The following PPP1R17 variants were observed in gnomAD, a reference collection of about 807,000 sequenced individuals.
PPP1R17 encodes the protein protein phosphatase 1 regulatory subunit 17, also known as G-substrate.
PPP1R17 carries 12 observed loss-of-function variants against 15.9 expected under a neutral mutation model. The observed-to-expected ratio is 0.75, with a 90% CI of 0.48 to 1.22. The LOEUF (loss-of-function observed/expected upper bound fraction) is 1.22, where lower values mean the gene tolerates loss of function less well. PPP1R17 is among the 50% of genes most tolerant of loss of function. The pLI, the probability that PPP1R17 is intolerant of heterozygous loss-of-function variation, is 0.00. For missense variants in PPP1R17, 211 were observed against 187.3 expected (o/e 1.13, Z -0.74); for synonymous variants, 63 against 64.5 (o/e 0.98, Z 0.11).
chr7:31,702,737 G>A (rs117956949), intron 4 of PPP1R17, among the ~76,000 whole-genome samples: 314 of 152,164 alleles, frequency 2.1e-3, no homozygotes, highest in Non-Finnish European at 3.6e-3. Flanking sequence ...TTATGTTTCT[G>A]GTATTGATCT....
At chr7:31,697,264 G>A (rs891925187) in intron 4 of PPP1R17, 147 bp downstream of exon 4, 31 of 1,003,128 alleles carry the variant, frequency 3.1e-5, no homozygotes, top group Non-Finnish European at 4.0e-5. Context: ...CACACTCAGT[G>A]CTACCTTTTA....
At chr7:31,695,342 A>G (rs1392815415) in intron 2 of PPP1R17, 127 bp from the exon 3 acceptor site, 1 of 784,866 alleles carries the variant, frequency 1.3e-6, no homozygotes, top group Non-Finnish European at 1.9e-6. Context: ...ACAATAAATA[A>G]ACACTTTTCC....
At chr7:31,701,703 C>T (rs986083397) in intron 4 of PPP1R17, among the ~76,000 whole-genome samples, 1 of 152,206 alleles carries the variant, frequency 6.6e-6, no homozygotes. Flanking sequence ...GCCACAGCCA[C>T]CTAACCTTCA....
Position 31,689,269 on chromosome 7 carries a change from G to A in PPP1R17, c.-37+1963G>A, listed in dbSNP as rs187271735. On this transcript the variant is annotated intron_variant, in intron 1 of 4. Transcript: ENST00000342032. ...AAAAAGGTCACAAGTCTTTGTAGTA[G>A]ACACAGTTTATGAAAACACCCCCAA... Among the ~76,000 whole-genome samples, 109 of 152,278 alleles carry A rather than the reference G, an allele frequency of 7.2e-4. No individual in the cohort carries two copies. In the Middle Eastern group the frequency reaches 0.014, roughly 19 times the overall value.
intron 1 of PPP1R17, among the ~76,000 whole-genome samples, chr7:31,688,862 G>A (rs1254781746): frequency 3.3e-5 from 5 of 152,080 alleles, no homozygotes; most frequent in Admixed American, 6.5e-5. Flanking sequence ...AGAGTAATTC[G>A]ATCAATACTC....
chr7:31,705,000 G>GAAAT (rs1427591698), intron 4 of PPP1R17, among the ~76,000 whole-genome samples: 4 of 152,106 alleles, frequency 2.6e-5, no homozygotes, highest in African/African-American at 9.7e-5. Context: ...TGATATCCAT[G>GAAAT]AAATCAAGAT....
At chr7:31,693,098 T>A (rs564488068) in intron 2 of PPP1R17, among the ~76,000 whole-genome samples, 2 of 152,188 alleles carry the variant, frequency 1.3e-5, no homozygotes, top group Non-Finnish European at 2.9e-5. Flanking sequence ...TTTTGCCTAT[T>A]CATAGCCTTT....
intron 2 of PPP1R17, among the ~76,000 whole-genome samples, chr7:31,694,479 G>A (rs542491509): frequency 1.3e-5 from 2 of 151,450 alleles, no homozygotes; most frequent in East Asian, 3.9e-4. Context: ...TAGAAATGAA[G>A]GTGCAAGTTC....
At chr7:31,706,961 G>A (rs1410283203) in intron 4 of PPP1R17, among the ~76,000 whole-genome samples, 1 of 152,160 alleles carries the variant, frequency 6.6e-6, no homozygotes, top group Admixed American at 6.5e-5. Context: ...GAGGATGAAG[G>A]TTGCCTCTGA....
Position 31,707,404 on chromosome 7 carries a change from C to A in PPP1R17, c.*121C>A. On this transcript the variant is annotated 3_prime_UTR_variant, in exon 5 of 5. Coordinates refer to ENST00000342032, the MANE Select transcript of PPP1R17 (RefSeq NM_006658.5). ...ATCGTCTGACTTGAAGATTCAGACA[C>A]CTTCTCCCCAGGAGATGTATGCCAT... The A allele has an allele frequency of 1.3e-6, 1 of 775,302 alleles. No individual in the cohort carries two copies. The highest frequency in any genetic ancestry group is 2.1e-6 in the Non-Finnish European group (1 of 485,060). The allele number at this position is 775,302 out of a possible 1,614,324, so 48.0% of individuals were successfully genotyped here.
At chr7:31,699,866 G>A (rs1792768027) in intron 4 of PPP1R17, among the ~76,000 whole-genome samples, 1 of 151,218 alleles carries the variant, frequency 6.6e-6, no homozygotes, top group Non-Finnish European at 1.5e-5. Flanking sequence ...AATTGTTTTG[G>A]GGTGCCACAG....
chr7:31,706,042 T>C (rs1293246544), intron 4 of PPP1R17, among the ~76,000 whole-genome samples: 4 of 136,992 alleles, frequency 2.9e-5, no homozygotes, highest in African/African-American at 1.1e-4. Flanking sequence ...TCTTGCTCTG[T>C]TGCCCAGGCT....
chr7:31,691,354 G>A lies in PPP1R17; in HGVS notation c.-36-1052G>A, dbSNP rs151007030. On this transcript the variant is annotated intron_variant, in intron 1 of 4. Transcript: ENST00000342032. ...CTGTGTGTTCATCTGCATGCTGGTTGTCAAGAAATCTCAAAAGAAAAGAAT... is the reference window on the plus strand; with the variant it reads ...CTGTGTGTTCATCTGCATGCTGGTTATCAAGAAATCTCAAAAGAAAAGAAT... Among the ~76,000 whole-genome samples the A allele has an allele frequency of 1.2e-4, 19 of 152,288 alleles. No individual in the cohort carries two copies. The East Asian group carries it at 3.5e-3, about 28-fold the overall frequency.
chr7:31,705,516 C>T (rs1793029515), intron 4 of PPP1R17, among the ~76,000 whole-genome samples: 1 of 152,166 alleles, frequency 6.6e-6, no homozygotes, highest in African/African-American at 2.4e-5. Flanking sequence ...TAGTTTCAGC[C>T]AGACTCTTGA....
At position 31,688,554 on chromosome 7, in the gene PPP1R17, TC is replaced by T. The variant is rs144891367; in HGVS notation, c.-37+1253del. The stretch of plus-strand genomic sequence containing the variant: ...GTCCCTTTTCTGGCACCCAGTTCCT[TC>T]CCCCTTTCAGTTCCTGTTCTCAAAA... On this transcript the variant is annotated intron_variant, in intron 1 of 4. Coordinates refer to ENST00000342032, the MANE Select transcript of PPP1R17 (RefSeq NM_006658.5). 1.0e-2 allele frequency among the ~76,000 whole-genome samples: 1,520 copies of T among 152,308 alleles called. 21 individuals are homozygous for T. The highest frequency in any genetic ancestry group is 0.033 in the African/African-American group (1,374 of 41,564).
intron 1 of PPP1R17, 66 bp downstream of exon 1, chr7:31,687,372 C>G (rs1450467537): frequency 6.6e-6 from 1 of 152,318 alleles, no homozygotes; most frequent in Non-Finnish European, 1.5e-5. Context: ...CAGTCAGTTA[C>G]TGGGACAAAG....
chr7:31,694,542 C>G (rs1792495193), intron 2 of PPP1R17, among the ~76,000 whole-genome samples: 1 of 152,098 alleles, frequency 6.6e-6, no homozygotes, highest in African/African-American at 2.4e-5. Context: ...CAGCTTGACT[C>G]CATTTAACCG....
chr7:31,695,692 A>AT, intron 3 of PPP1R17, 71 bp downstream of exon 3: 1 of 1,451,782 alleles, frequency 6.9e-7, no homozygotes, highest in South Asian at 1.4e-5. Flanking sequence ...GTTCGTACAC[A>AT]TTTTTCCTTA....
At position 31,697,070 on chromosome 7, in the gene PPP1R17, C is replaced by G. The variant is rs2128242049; in HGVS notation, c.341C>G (p.Pro114Arg). 1 of 1,614,058 alleles carries G rather than the reference C, an allele frequency of 6.2e-7. No individual in the cohort carries two copies. The highest frequency in any genetic ancestry group is 8.5e-7 in the Non-Finnish European group (1 of 1,179,984). ...LHNTDLEQKK[P>R]RRKDTPALHM... is the part of the protein sequence containing the mutation. ...AACACTGACCTGGAACAGAAAAAGC[C>G]AAGGAGAAAAGACACACCTGCCCTG... The change falls in exon 4 of 5, where the codon CCA becomes CGA. Residue 114 changes from proline to arginine, a missense_variant. Transcript: ENST00000342032.
Sources: allele counts gnomAD v4.1 joint callset (sites outside exome capture counted in the v4.1 genomes callset), GRCh38; gene constraint gnomAD v4.1.1; transcripts MANE v1.5; gene names NCBI Gene and HGNC (gene_info 2026-07-23, HGNC 2026-07-21).